The following NRXN1 variants were observed in gnomAD, a reference collection of about 807,000 sequenced individuals.
NRXN1 encodes the protein neurexin 1.
A neutral mutation model predicts 150.9 loss-of-function variants in NRXN1; 39 were observed. The ratio of observed to expected loss-of-function variants is 0.26; its 90% CI spans 0.20 to 0.34. The LOEUF (loss-of-function observed/expected upper bound fraction) is 0.34, where lower values mean the gene tolerates loss of function less well. NRXN1 is among the 10% of genes least tolerant of loss of function. The pLI is 1.00. For synonymous variants in NRXN1, 924 were observed against 757.0 expected (o/e 1.22, Z -3.62); for missense variants, 1,815 against 1,949.9 (o/e 0.93, Z 1.30).
At chr2:50,800,890 T>C (rs1229434203) in intron 5 of NRXN1, among the ~76,000 whole-genome samples, 2 of 152,166 alleles carry the variant, frequency 1.3e-5, no homozygotes, top group Non-Finnish European at 2.9e-5. Context: ...AAAATCTTCA[T>C]TTTTAATGAC....
intron 17 of NRXN1, among the ~76,000 whole-genome samples, chr2:50,373,965 G>A (rs2080295841): frequency 6.6e-6 from 1 of 152,084 alleles, no homozygotes; most frequent in African/African-American, 2.4e-5. Flanking sequence ...GGAAGGTAGA[G>A]ATTGAAAGGG....
intron 17 of NRXN1, among the ~76,000 whole-genome samples, chr2:50,423,933 G>C (rs2084219656): frequency 6.6e-6 from 1 of 152,056 alleles, no homozygotes; most frequent in African/African-American, 2.4e-5. Flanking sequence ...CAGCCATGAG[G>C]TGAGATCTCC....
At chr2:50,592,738 A>G (rs1674496204) in intron 8 of NRXN1, among the ~76,000 whole-genome samples, 1 of 152,190 alleles carries the variant, frequency 6.6e-6, no homozygotes, top group African/African-American at 2.4e-5. Flanking sequence ...TTTTTGATAC[A>G]GGTATCTAGT....
chr2:50,511,232 T>G (rs913098748), intron 12 of NRXN1, among the ~76,000 whole-genome samples: 4 of 152,130 alleles, frequency 2.6e-5, no homozygotes, highest in Admixed American at 2.0e-4. Flanking sequence ...AGCTAATTTT[T>G]GTATTTTAAT....
intron 21 of NRXN1, among the ~76,000 whole-genome samples, chr2:50,008,962 A>G (rs973042876): frequency 6.6e-5 from 10 of 152,188 alleles, no homozygotes; most frequent in African/African-American, 2.2e-4. Context: ...TCATAAAACA[A>G]TGACATAAAA....
intron 17 of NRXN1, among the ~76,000 whole-genome samples, chr2:50,439,150 T>G (rs1007900792): frequency 2.6e-5 from 4 of 152,174 alleles, no homozygotes; most frequent in Admixed American, 6.5e-5. Flanking sequence ...GTGACTACAA[T>G]ACCTCCAGCA....
At chr2:50,019,961 AAAAAAAAAAAAAG>A (rs1182130388) in intron 21 of NRXN1, among the ~76,000 whole-genome samples, 5 of 133,472 alleles carry the variant, frequency 3.7e-5, no homozygotes, top group African/African-American at 1.4e-4. Context: ...AAAAAAAAAA[AAAAAAAAAAAAAG>A]AGAGAGAGAG....
chr2:50,546,491 T>C (rs2093497114), intron 9 of NRXN1, among the ~76,000 whole-genome samples: 1 of 152,170 alleles, frequency 6.6e-6, no homozygotes, highest in Non-Finnish European at 1.5e-5. Context: ...TAGATGATCT[T>C]GAGCAAAAGA....
rs188146177 is a variant in NRXN1, at chr2:50,131,871, C to T, written c.3547-40377G>A. Among the ~76,000 whole-genome samples the T allele has an allele frequency of 1.2e-4, 18 of 151,744 alleles. No homozygotes were observed. The East Asian group carries it at 3.5e-3, about 30-fold the overall frequency. On this transcript the variant is annotated intron_variant, in intron 18 of 22. Transcript: ENST00000401669. Reference sequence around the variant, plus strand: ...TGGTTATCCTACTGTCAGGACAAGTCAATAGCAGGTAAAGAAACAAGTACA... The same window carrying T: ...TGGTTATCCTACTGTCAGGACAAGTTAATAGCAGGTAAAGAAACAAGTACA...
chr2:50,512,389 T>C lies in NRXN1; in HGVS notation c.2375-5772A>G, dbSNP rs567890682. On this transcript the variant is annotated intron_variant, in intron 12 of 22. Coordinates refer to ENST00000401669, the MANE Select transcript of NRXN1 (RefSeq NM_001330078.2). The stretch of plus-strand genomic sequence containing the variant: ...TTATATAGTCAAATTTTAATGGTGA[T>C]AACTTTTTTCTTTTGACAACATGTA... Among the ~76,000 whole-genome samples, 4 of 152,314 alleles carry C rather than the reference T, an allele frequency of 2.6e-5. No individual in the cohort carries two copies. The East Asian group carries it at 7.7e-4, about 29-fold the overall frequency.
At position 50,347,590 on chromosome 2, in the gene NRXN1, T is replaced by C. The variant is rs994035436; in HGVS notation, c.3365-110620A>G. The stretch of plus-strand genomic sequence containing the variant: ...CGCATCGCCTGCTCCCGAGGCAATC[T>C]CCGCGTCCGCCGCCTCCTGACACTT... On this transcript the variant is annotated intron_variant, in intron 17 of 22. Coordinates refer to ENST00000401669, the MANE Select transcript of NRXN1 (RefSeq NM_001330078.2). This position sits in a 1 kb window ranked among gnomAD's most constrained non-coding sequence, Gnocchi z 4.9. 9 of 1,010,086 alleles carry C rather than the reference T, an allele frequency of 8.9e-6. No individual in the cohort carries two copies. In the African/African-American group the frequency reaches 1.6e-4, roughly 18 times the overall value. The allele number at this position is 1,010,086 out of a possible 1,614,324, so 62.6% of individuals were successfully genotyped here.
intron 18 of NRXN1, among the ~76,000 whole-genome samples, chr2:50,101,755 G>A (rs1701007949): frequency 6.6e-6 from 1 of 152,012 alleles, no homozygotes; most frequent in South Asian, 2.1e-4. Context: ...AGTTTGGAAG[G>A]AGCACTATTT....
In NRXN1 at chr2:50,053,667, T is replaced by C. The variant is rs1313066953; in HGVS notation, c.3809-77A>G. 2.8e-6 allele frequency: 4 copies of C among 1,416,274 alleles called. No homozygotes were observed. In the East Asian group the frequency reaches 9.2e-5, roughly 33 times the overall value. 87.7% of individuals were successfully genotyped at this position (1,416,274 alleles called of 1,614,324 possible). A position where few individuals can be genotyped will look rare whatever the true frequency, so the allele number is the denominator to read the frequency against. ...TCTACAATGGATGATAAAACAGATC[T>C]TTTATGGGGTGAATAATGAGAGCAA... On this transcript the variant is annotated intron_variant, in intron 20 of 22. Transcript: ENST00000401669.
chr2:50,545,700 C>A (rs1003701798), intron 9 of NRXN1, among the ~76,000 whole-genome samples: 2 of 152,112 alleles, frequency 1.3e-5, no homozygotes, highest in African/African-American at 4.8e-5. Flanking sequence ...TCAAATATTA[C>A]TTATTCATTT....
chr2:50,583,676 A>G (rs1672644030), intron 8 of NRXN1, among the ~76,000 whole-genome samples: 1 of 152,212 alleles, frequency 6.6e-6, no homozygotes, highest in East Asian at 1.9e-4. Context: ...TGGTACAGGC[A>G]TTGTACTAAG....
At chr2:50,374,828 G>A (rs917745303) in intron 17 of NRXN1, among the ~76,000 whole-genome samples, 1 of 152,058 alleles carries the variant, frequency 6.6e-6, no homozygotes, top group African/African-American at 2.4e-5. Flanking sequence ...TTGAATGCTT[G>A]CAACTGCAAC....
intron 18 of NRXN1, among the ~76,000 whole-genome samples, chr2:50,105,968 G>C (rs1251440806): frequency 1.3e-5 from 2 of 151,588 alleles, no homozygotes; most frequent in Non-Finnish European, 3.0e-5. Context: ...TGATCCATTA[G>C]AAGTAATTTT....
At chr2:50,653,918 A>G (rs1398207382) in intron 5 of NRXN1, among the ~76,000 whole-genome samples, 3 of 149,132 alleles carry the variant, frequency 2.0e-5, no homozygotes, top group Admixed American at 6.7e-5. Context: ...GCTGTAGCTG[A>G]AGCATACAGG....
chr2:50,360,397 T>C (rs1233946669), intron 17 of NRXN1, among the ~76,000 whole-genome samples: 1 of 152,030 alleles, frequency 6.6e-6, no homozygotes, highest in Admixed American at 6.6e-5. Flanking sequence ...AGGCTCAAAA[T>C]AAAATGATGG....
Sources: allele counts gnomAD v4.1 joint callset (sites outside exome capture counted in the v4.1 genomes callset), GRCh38; gene constraint gnomAD v4.1.1; non-coding constraint Gnocchi (gnomAD v3.1); transcripts MANE v1.5; gene names NCBI Gene and HGNC (gene_info 2026-07-23, HGNC 2026-07-21).